The following FBXW12 variants were observed in gnomAD, a reference collection of about 807,000 sequenced individuals.
FBXW12 encodes F-box/WD repeat-containing protein 12.
A neutral mutation model predicts 55.3 loss-of-function variants in FBXW12; 43 were observed. That is an observed-to-expected ratio of 0.78 (90% CI 0.61 to 1.00). FBXW12 has a LOEUF of 1.00. Among genes scored for constraint, FBXW12 ranks in the 50% least tolerant of loss-of-function variants. The pLI is 0.00. For synonymous variants in FBXW12, 184 were observed against 203.8 expected (o/e 0.90, Z 0.83); for missense variants, 524 against 560.5 (o/e 0.93, Z 0.66).
At position 48,378,325 on chromosome 3, in the gene FBXW12, G is replaced by GATCT. The variant is rs1560030977; in HGVS notation, c.415_418dup (p.Trp140TyrfsTer74). On this transcript the variant is annotated frameshift_variant, in exon 6 of 11. Coordinates refer to ENST00000296438, the MANE Select transcript of FBXW12 (RefSeq NM_207102.2). LOFTEE classifies it high-confidence loss of function. The stretch of plus-strand genomic sequence containing the variant: ...TTACTCTCGTTTTCTAGGGTACCAT[G>GATCT]ATCTGGTCAAGCCCAGTCCAGGAGT... The GATCT allele has an allele frequency of 6.2e-7, 1 of 1,613,906 alleles. No homozygotes were observed. Among genetic ancestry groups the GATCT allele is most frequent in the Admixed American group, 1.7e-5 (1 of 60,002 alleles).
intron 10 of FBXW12, among the ~76,000 whole-genome samples, chr3:48,386,735 A>G (rs2036853245): frequency 6.6e-6 from 1 of 152,012 alleles, no homozygotes; most frequent in African/African-American, 2.4e-5. Flanking sequence ...TCAGTTTTGG[A>G]TGCTGTTGTA....
intron 10 of FBXW12, among the ~76,000 whole-genome samples, chr3:48,387,113 A>G (rs952249522): frequency 2.6e-5 from 4 of 152,078 alleles, no homozygotes; most frequent in Non-Finnish European, 4.4e-5. Flanking sequence ...CTGGGCCTGG[A>G]GATGACTTTT....
intron 10 of FBXW12, among the ~76,000 whole-genome samples, chr3:48,392,447 T>G (rs2036941792): frequency 1.5e-5 from 1 of 65,646 alleles, no homozygotes; most frequent in African/African-American, 7.4e-5. Context: ...CAACACTCAG[T>G]CTCAAAAAAA....
rs1008148050 is a variant in FBXW12, at chr3:48,372,616, C to T, written c.-84-68C>T. 1.2e-5 allele frequency: 18 copies of T among 1,541,380 alleles called. No homozygotes were observed. The East Asian group carries it at 2.5e-4, about 22-fold the overall frequency. On this transcript the variant is annotated intron_variant, in intron 1 of 10. Coordinates refer to ENST00000296438, the MANE Select transcript of FBXW12 (RefSeq NM_207102.2). Reference sequence around the variant, plus strand: ...GGAGAGGCCGGGGTGGAGGTCAGCCCGGGAGTCTGCACACCTGCAGCTTGT... The same window carrying T: ...GGAGAGGCCGGGGTGGAGGTCAGCCTGGGAGTCTGCACACCTGCAGCTTGT...
intron 10 of FBXW12, among the ~76,000 whole-genome samples, chr3:48,392,420 C>T (rs1190865331): frequency 3.6e-5 from 5 of 138,606 alleles, no homozygotes; most frequent in Non-Finnish European, 7.6e-5. Flanking sequence ...CACTGCACTC[C>T]AGCCTGGGTG....
chr3:48,382,227 C>T (rs1575361482), intron 10 of FBXW12, 142 bp downstream of exon 10: 2 of 899,000 alleles, frequency 2.2e-6, no homozygotes, highest in East Asian at 5.4e-5. Context: ...AGCAATTCTC[C>T]TGCTTCAGCC....
At chr3:48,375,866 A>G (rs533039139) in intron 5 of FBXW12, among the ~76,000 whole-genome samples, 98 of 150,858 alleles carry the variant, frequency 6.5e-4, no homozygotes, top group African/African-American at 2.2e-3. Flanking sequence ...TAGTACAGAC[A>G]GGGTTTCACC....
At chr3:48,378,612 CCT>C in intron 6 of FBXW12, 86 bp downstream of exon 6, 1 of 942,790 alleles carries the variant, frequency 1.1e-6, no homozygotes. Context: ...CTGTCCTATC[CCT>C]TTTTTTTTTT....
At chr3:48,391,317 TAC>T (rs140067012) in intron 10 of FBXW12, among the ~76,000 whole-genome samples, 7,553 of 133,004 alleles carry the variant, frequency 0.057, 223 homozygotes, top group Non-Finnish European at 0.075. Context: ...TATCTATCTA[TAC>T]ACACACACAC....
intron 10 of FBXW12, among the ~76,000 whole-genome samples, chr3:48,394,184 G>C (rs933984754): frequency 6.6e-6 from 1 of 151,968 alleles, no homozygotes; most frequent in African/African-American, 2.4e-5. Flanking sequence ...GGAGATGGAG[G>C]TTGCAGTGAA....
chr3:48,380,657 C>T, intron 7 of FBXW12, 45 bp from the exon 8 acceptor site: 1 of 1,419,384 alleles, frequency 7.0e-7, no homozygotes, highest in Non-Finnish European at 1.0e-6. Context: ...TACTGAGAGG[C>T]TATAAGTTCC....
intron 2 of FBXW12, 141 bp downstream of exon 2, chr3:48,372,998 T>A: frequency 1.2e-6 from 1 of 864,140 alleles, no homozygotes; most frequent in Non-Finnish European, 1.9e-6. Flanking sequence ...CATATTCTGT[T>A]AAACGAAAAG....
rs760177555 is a variant in FBXW12, at chr3:48,373,535, A to C, written c.129-13A>C. ...CTGAGAACAGCCTGATGGGACTGTG[A>C]CTCTGTTTCCAGGTCACTATCTCTG... On this transcript the variant is annotated splice_polypyrimidine_tract_variant and intron_variant, in intron 3 of 10. Coordinates refer to ENST00000296438, the MANE Select transcript of FBXW12 (RefSeq NM_207102.2). 1 of 1,611,016 alleles carries C rather than the reference A, an allele frequency of 6.2e-7. No individual in the cohort carries two copies. The highest frequency in any genetic ancestry group is 8.5e-7 in the Non-Finnish European group (1 of 1,177,562).
intron 10 of FBXW12, among the ~76,000 whole-genome samples, chr3:48,393,708 G>C (rs1254863415): frequency 6.6e-6 from 1 of 152,126 alleles, no homozygotes; most frequent in Non-Finnish European, 1.5e-5. Flanking sequence ...CAGATCGCTT[G>C]AGTGCAGGAC....
At chr3:48,381,173 C>T (rs1250588527) in intron 8 of FBXW12, among the ~76,000 whole-genome samples, 1 of 152,066 alleles carries the variant, frequency 6.6e-6, no homozygotes, top group Non-Finnish European at 1.5e-5. Flanking sequence ...CAGGTGCCCG[C>T]CACCATACCC....
In FBXW12 at chr3:48,379,459, T is replaced by C; in HGVS notation, c.675T>C (p.Ser225=). 1.2e-6 allele frequency: 2 copies of C among 1,614,158 alleles called. No individual in the cohort carries two copies. The highest frequency in any genetic ancestry group is 2.2e-5 in the South Asian group (2 of 91,090). The change falls in exon 7 of 11, where the codon TCT becomes TCC. Residue 225 remains serine (S), a synonymous_variant. Transcript: ENST00000296438. The part of the protein sequence containing the change: ...TFTLPGLRDV[S]KVTAFQYGIV... ...CACTGCCTGGGTTAAGAGATGTTTC[T>C]AAAGTTACTGCATTTCAATATGGTA...
chr3:48,379,625 C>A, intron 7 of FBXW12, 67 bp downstream of exon 7: 1 of 1,415,710 alleles, frequency 7.1e-7, no homozygotes, highest in South Asian at 1.2e-5. Flanking sequence ...TGCAGAGAAA[C>A]TGCAGAGCTC....
intron 10 of FBXW12, among the ~76,000 whole-genome samples, chr3:48,390,063 G>A (rs1333040616): frequency 6.6e-6 from 1 of 152,082 alleles, no homozygotes; most frequent in Non-Finnish European, 1.5e-5. Flanking sequence ...TCTTTATTCT[G>A]TTTTTGTACC....
At chr3:48,382,448 G>A (rs953702962) in intron 10 of FBXW12, among the ~76,000 whole-genome samples, 1 of 135,772 alleles carries the variant, frequency 7.4e-6, no homozygotes, top group Non-Finnish European at 1.7e-5. Flanking sequence ...GATGAATGAA[G>A]GGAAAACAGG....
Sources: gnomAD v4.1 joint callset for allele counts (sites outside exome capture counted in the v4.1 genomes callset) on GRCh38, gnomAD v4.1.1 for gene constraint, MANE v1.5 for transcripts, NCBI Gene and HGNC (gene_info 2026-07-23, HGNC 2026-07-21) for gene names.